The following MEIKIN variants were observed in gnomAD, a reference collection of about 807,000 sequenced individuals.
MEIKIN encodes the protein meiotic kinetochore factor, also known as meiosis-specific kinetochore protein.
At chr5:131,940,715 C>T (rs1032037387) in intron 4 of MEIKIN, among the ~76,000 whole-genome samples, 1 of 151,938 alleles carries the variant, frequency 6.6e-6, no homozygotes, top group East Asian at 1.9e-4. Flanking sequence ...GTGGGGATGT[C>T]CTGTATTTTT....
At chr5:131,859,490 G>T (rs1234933595) in intron 9 of MEIKIN, among the ~76,000 whole-genome samples, 1 of 152,064 alleles carries the variant, frequency 6.6e-6, no homozygotes, top group African/African-American at 2.4e-5. Context: ...ACAAGATCTG[G>T]TTGTTTAAAA....
At chr5:131,828,999 TAGA>T (rs917334307) in intron 11 of MEIKIN, among the ~76,000 whole-genome samples, 7 of 151,328 alleles carry the variant, frequency 4.6e-5, no homozygotes, top group Admixed American at 1.3e-4. Flanking sequence ...TGAAAGAAAA[TAGA>T]AGGAAAAAGT....
intron 9 of MEIKIN, among the ~76,000 whole-genome samples, chr5:131,875,167 T>TA (rs1028099971): frequency 2.0e-5 from 3 of 152,118 alleles, no homozygotes; most frequent in African/African-American, 7.2e-5. Flanking sequence ...GAGAAGGAAA[T>TA]AAAGGGTATT....
At chr5:131,844,381 T>C (rs929083715) in intron 11 of MEIKIN, among the ~76,000 whole-genome samples, 12 of 152,232 alleles carry the variant, frequency 7.9e-5, no homozygotes, top group African/African-American at 2.2e-4. Context: ...CTCCAAGAGA[T>C]TGAAAACAAA....
At chr5:131,840,634 A>G (rs1749889140) in intron 11 of MEIKIN, among the ~76,000 whole-genome samples, 1 of 152,294 alleles carries the variant, frequency 6.6e-6, no homozygotes, top group East Asian at 1.9e-4. Context: ...AGCCTGGTCT[A>G]TTCTGCTATT....
chr5:131,918,614 T>C (rs1751453296), intron 6 of MEIKIN, among the ~76,000 whole-genome samples: 1 of 152,226 alleles, frequency 6.6e-6, no homozygotes, highest in South Asian at 2.1e-4. Context: ...ACTCCTCTTC[T>C]TCATTTTCCT....
At chr5:131,836,022 T>C (rs1318897422) in intron 11 of MEIKIN, among the ~76,000 whole-genome samples, 1 of 152,178 alleles carries the variant, frequency 6.6e-6, no homozygotes, top group Non-Finnish European at 1.5e-5. Flanking sequence ...TACCCATTAG[T>C]TATTTTTCCT....
Position 131,893,432 on chromosome 5 carries a change from C to T in MEIKIN, c.704-14384G>A, listed in dbSNP as rs992049417. On this transcript the variant is annotated intron_variant, in intron 8 of 12. Coordinates refer to ENST00000442687, the MANE Select transcript of MEIKIN (RefSeq NM_001303622.2). Reference sequence around the variant, plus strand: ...CTCCTGGTGTGCCATTTGTGAAGCCCGTTGGAAAAGCGCAGTATTAGCGTG... The same window carrying T: ...CTCCTGGTGTGCCATTTGTGAAGCCTGTTGGAAAAGCGCAGTATTAGCGTG... Among the ~76,000 whole-genome samples, 7 of 152,340 alleles carry T rather than the reference C, an allele frequency of 4.6e-5. No homozygotes were observed. The South Asian group carries it at 6.2e-4, about 14-fold the overall frequency.
chr5:131,909,152 C>T (rs969379317), intron 8 of MEIKIN, among the ~76,000 whole-genome samples: 9 of 152,110 alleles, frequency 5.9e-5, no homozygotes, highest in African/African-American at 2.2e-4. Context: ...AATCACATTA[C>T]GTGACTTTAA....
At chr5:131,844,316 T>C (rs765444845) in intron 11 of MEIKIN, among the ~76,000 whole-genome samples, 1 of 151,886 alleles carries the variant, frequency 6.6e-6, no homozygotes, top group Non-Finnish European at 1.5e-5. Flanking sequence ...CAGAAAAAAA[T>C]ATATGAAACA....
At chr5:131,845,272 TAAAAAAAAAAAAAAAA>T (rs1158220526) in intron 11 of MEIKIN, among the ~76,000 whole-genome samples, 9 of 45,350 alleles carry the variant, frequency 2.0e-4, no homozygotes, top group East Asian at 5.2e-4. Flanking sequence ...GACTTCGTCT[TAAAAAAAAAAAAAAAA>T]AAAAAAAAAA....
chr5:131,919,085 A>G (rs1282116693), intron 6 of MEIKIN, among the ~76,000 whole-genome samples: 8 of 152,236 alleles, frequency 5.3e-5, no homozygotes, highest in Admixed American at 5.2e-4. Flanking sequence ...AAAGGCCAAT[A>G]TTCTTCAAAT....
At chr5:131,810,135 C>T (rs1011445349) in intron 12 of MEIKIN, among the ~76,000 whole-genome samples, 1 of 152,106 alleles carries the variant, frequency 6.6e-6, no homozygotes, top group African/African-American at 2.4e-5. Context: ...TTCGGATACT[C>T]GAATAAATAT....
intron 11 of MEIKIN, among the ~76,000 whole-genome samples, chr5:131,833,673 C>T (rs547978863): frequency 1.3e-5 from 2 of 151,604 alleles, no homozygotes; most frequent in East Asian, 3.9e-4. Context: ...TCTTCTGAGG[C>T]TTATTCACTA....
chr5:131,905,609 A>C (rs1029264081), intron 8 of MEIKIN, among the ~76,000 whole-genome samples: 5 of 152,144 alleles, frequency 3.3e-5, no homozygotes, highest in East Asian at 3.8e-4. Flanking sequence ...ATTACCACTG[A>C]CCCCACAGAA....
rs200773067 is a variant in MEIKIN at position 131,836,759 on chromosome 5, A to T, written c.975+14505T>A. 1.5e-4 allele frequency among the ~76,000 whole-genome samples: 23 copies of T among 151,300 alleles called. No individual in the cohort carries two copies. The East Asian group carries it at 2.5e-3, about 17-fold the overall frequency. On this transcript the variant is annotated intron_variant, in intron 11 of 12. Coordinates refer to ENST00000442687, the MANE Select transcript of MEIKIN (RefSeq NM_001303622.2). ...TTTAATGTTTTTTTTTTTTCTTGTA[A>T]ATCTGTTTCAGTTCGTTATAGATGC...
At chr5:131,878,048 G>A (rs1478281284) in intron 9 of MEIKIN, among the ~76,000 whole-genome samples, 2 of 152,138 alleles carry the variant, frequency 1.3e-5, no homozygotes, top group Admixed American at 6.5e-5. Context: ...AAAACATGTA[G>A]TATATATAGG....
rs1580852581 is a variant in MEIKIN at position 131,807,105 on chromosome 5, G to A, written c.*131C>T. 7.6e-6 allele frequency: 3 copies of A among 395,330 alleles called. No homozygotes were observed. The highest frequency in any genetic ancestry group is 1.3e-5 in the Non-Finnish European group (3 of 224,534). The allele number at this position is 395,330 out of a possible 1,614,324, so 24.5% of individuals were successfully genotyped here. On this transcript the variant is annotated 3_prime_UTR_variant, in exon 13 of 13. Coordinates refer to ENST00000442687, the MANE Select transcript of MEIKIN (RefSeq NM_001303622.2). Reference sequence around the variant, plus strand: ...AACCTCAGTAGAATTTCAACATAGAGATATATCACAAATAACTGGAGAATT... The same window carrying A: ...AACCTCAGTAGAATTTCAACATAGAAATATATCACAAATAACTGGAGAATT...
intron 5 of MEIKIN, among the ~76,000 whole-genome samples, chr5:131,925,394 T>C (rs189224419): frequency 6.6e-6 from 1 of 152,336 alleles, no homozygotes; most frequent in East Asian, 1.9e-4. Context: ...CAATATTAAG[T>C]CTTCCAACTC....
Sources: gnomAD v4.1 joint callset for allele counts (sites outside exome capture counted in the v4.1 genomes callset) on GRCh38, gnomAD v4.1.1 for gene constraint, MANE v1.5 for transcripts, NCBI Gene and HGNC (gene_info 2026-07-23, HGNC 2026-07-21) for gene names.